STK3: variants seen among roughly 807,000 people sequenced by gnomAD.
The protein encoded by STK3 is serine/threonine kinase 3.
In STK3, 41 loss-of-function variants were observed where a neutral mutation model predicts 58.0. The observed-to-expected ratio is 0.71, with a 90% CI of 0.55 to 0.92. The LOEUF is 0.92. STK3 is among the 40% of genes least tolerant of loss of function. The pLI, the probability that STK3 is intolerant of heterozygous loss-of-function variation, is 0.00. For missense variants in STK3, 479 were observed against 602.7 expected (o/e 0.79, Z 2.15); for synonymous variants, 170 against 191.0 (o/e 0.89, Z 0.91).
intron 3 of STK3, among the ~76,000 whole-genome samples, chr8:98,840,312 A>C (rs1276365669): frequency 1.4e-5 from 2 of 145,066 alleles, no homozygotes; most frequent in African/African-American, 5.2e-5. Flanking sequence ...GCACCACTCC[A>C]CTGCACTCCA....
At chr8:98,731,479 G>A (rs1002454719) in intron 4 of STK3, among the ~76,000 whole-genome samples, 1 of 152,114 alleles carries the variant, frequency 6.6e-6, no homozygotes, top group African/African-American at 2.4e-5. Flanking sequence ...TAGCACTTTG[G>A]GAGGCCGAGG....
intron 3 of STK3, among the ~76,000 whole-genome samples, chr8:98,402,035 T>C (rs1161599388): frequency 6.6e-6 from 1 of 152,220 alleles, no homozygotes; most frequent in African/African-American, 2.4e-5. Context: ...ATCCTATCTA[T>C]ATACAATTTT....
chr8:98,506,396 T>C lies in STK3; in HGVS notation c.1317+20346A>G, dbSNP rs1432080021. Among the ~76,000 whole-genome samples, 3 of 152,274 alleles carry C rather than the reference T, an allele frequency of 2.0e-5. No individual in the cohort carries two copies. In the East Asian group the frequency reaches 5.8e-4, roughly 29 times the overall value. ...CTGCCCTGCTTCAGCTTGCCCTCCG[T>C]GGGCTGCACCCACTGTCCAACCAGT... is the stretch of plus-strand genomic sequence containing the variant. On this transcript the variant is annotated intron_variant, in intron 10 of 10. Transcript: ENST00000419617.
chr8:98,627,496 G>GA (rs71572020), intron 6 of STK3, among the ~76,000 whole-genome samples: 30,375 of 100,914 alleles, frequency 0.3, 3,768 homozygotes, highest in East Asian at 0.49. Context: ...AAAGAAAAAA[G>GA]AAAAAAAAAA....
chr8:98,937,580 C>A (rs1431787652), intron 1 of STK3, among the ~76,000 whole-genome samples: 1 of 152,212 alleles, frequency 6.6e-6, no homozygotes, highest in African/African-American at 2.4e-5. Context: ...TCACTTCTAC[C>A]CCCAAGTCAG....
chr8:98,845,575 A>G (rs1836170504), intron 3 of STK3, among the ~76,000 whole-genome samples: 2 of 152,074 alleles, frequency 1.3e-5, no homozygotes, highest in South Asian at 4.1e-4. Context: ...GAAAGTAACC[A>G]TTTTTCCACG....
At chr8:98,471,307 C>T (rs1309078162) in intron 10 of STK3, among the ~76,000 whole-genome samples, 3 of 151,596 alleles carry the variant, frequency 2.0e-5, no homozygotes, top group Non-Finnish European at 1.5e-5. Context: ...AGATTTGACA[C>T]TGCAGATTTT....
intron 1 of STK3, among the ~76,000 whole-genome samples, chr8:98,935,217 G>A (rs1215468109): frequency 6.6e-6 from 1 of 152,224 alleles, no homozygotes; most frequent in Non-Finnish European, 1.5e-5. Flanking sequence ...CTGTGGGTCA[G>A]AATGCAGCTA....
At chr8:98,357,667 C>A in the STK3 span, among the ~76,000 whole-genome samples, 1 of 152,206 alleles carries the variant, frequency 6.6e-6, no homozygotes, top group Non-Finnish European at 1.5e-5. Flanking sequence ...ATAGTTGATA[C>A]CCTTCTAATG....
chr8:98,787,876 C>T (rs946552210), intron 1 of STK3, among the ~76,000 whole-genome samples: 1 of 152,092 alleles, frequency 6.6e-6, no homozygotes, highest in Non-Finnish European at 1.5e-5. Flanking sequence ...TTCAGACAAA[C>T]AAATGCTGAG....
chr8:98,636,486 T>C (rs1303647134), intron 6 of STK3, among the ~76,000 whole-genome samples: 2 of 152,190 alleles, frequency 1.3e-5, no homozygotes, highest in African/African-American at 4.8e-5. Context: ...GAAGACCCAG[T>C]ACCTGCTCTC....
Position 98,891,508 on chromosome 8 carries a change from T to C in STK3, c.-78-7674A>G, listed in dbSNP as rs145807597. Among the ~76,000 whole-genome samples the C allele has an allele frequency of 8.1e-4, 124 of 152,316 alleles. 1 individual carries two copies. The highest frequency in any genetic ancestry group is 2.1e-4 in the Non-Finnish European group (14 of 68,022). On this transcript the variant is annotated intron_variant, in intron 1 of 1. Transcript: ENST00000519420. Reference sequence around the variant, plus strand: ...GTATAACATTTAAATATCCATGGTATAGCACTCTTGATATGTACATAGCAG... The same window carrying C: ...GTATAACATTTAAATATCCATGGTACAGCACTCTTGATATGTACATAGCAG...
intron 3 of STK3, among the ~76,000 whole-genome samples, chr8:98,852,943 A>G (rs1836532424): frequency 6.6e-6 from 1 of 152,076 alleles, no homozygotes; most frequent in African/African-American, 2.4e-5. Flanking sequence ...TATGTTACCC[A>G]TTCTTTTTGG....
intron 6 of STK3, chr8:98,633,585 C>A: frequency 1.3e-6 from 1 of 743,094 alleles, no homozygotes; most frequent in South Asian, 1.4e-5. Flanking sequence ...CTCTGTCTTT[C>A]AGTCAGCAGT....
At position 98,541,041 on chromosome 8, in the gene STK3, G is replaced by C. The variant is rs191344656; in HGVS notation, c.1141+6928C>G. Among the ~76,000 whole-genome samples the C allele has an allele frequency of 2.3e-3, 343 of 152,286 alleles. 2 individuals are homozygous for C. The highest frequency in any genetic ancestry group is 4.3e-3 in the Non-Finnish European group (291 of 68,038). ...CGGCGCCAGCGGTAGCCTCTGGATT[G>C]CTATTCCTCGTTGTGGCAGTAGTAG... On this transcript the variant is annotated intron_variant, in intron 9 of 10. Transcript: ENST00000419617.
chr8:98,573,667 A>G (rs923266751), intron 8 of STK3, among the ~76,000 whole-genome samples: 1 of 152,096 alleles, frequency 6.6e-6, no homozygotes. Context: ...GTCTTAGCTC[A>G]TTCCAGCATT....
At chr8:98,387,047 AAAAT>A (rs1795108377) in intron 1 of STK3, among the ~76,000 whole-genome samples, 1 of 151,722 alleles carries the variant, frequency 6.6e-6, no homozygotes, top group Non-Finnish European at 1.5e-5. Flanking sequence ...TTAAAAATGG[AAAAT>A]AAATAAAACA....
At chr8:98,814,331 G>A (rs567994437) in intron 1 of STK3, among the ~76,000 whole-genome samples, 47 of 150,302 alleles carry the variant, frequency 3.1e-4, no homozygotes, top group African/African-American at 8.3e-4. Flanking sequence ...GATTACAGCC[G>A]TGAGCCACCG....
intron 6 of STK3, among the ~76,000 whole-genome samples, chr8:98,666,042 C>T (rs1242919212): frequency 6.6e-6 from 1 of 152,110 alleles, no homozygotes; most frequent in South Asian, 2.1e-4. Context: ...CGAGTTCTTC[C>T]AGTCCCTTTT....
Sources: allele counts gnomAD v4.1 joint callset (sites outside exome capture counted in the v4.1 genomes callset), GRCh38; gene constraint gnomAD v4.1.1; transcripts MANE v1.5; gene names NCBI Gene and HGNC (gene_info 2026-07-23, HGNC 2026-07-21).